The following DYNC2H1 variants were observed in gnomAD, a reference collection of about 807,000 sequenced individuals.
The protein encoded by DYNC2H1 is cytoplasmic dynein 2 heavy chain 1.
DYNC2H1 carries 410 observed loss-of-function variants against 570.0 expected under a neutral mutation model. That is an observed-to-expected ratio of 0.72 (90% CI 0.66 to 0.78). DYNC2H1 has a LOEUF of 0.78. Ranked by LOEUF, DYNC2H1 falls within the 30% of genes least tolerant of loss-of-function variation. The pLI, the probability that DYNC2H1 is intolerant of heterozygous loss-of-function variation, is 0.00. For missense variants in DYNC2H1, 4,865 were observed against 5,046.4 expected (o/e 0.96, Z 1.09); for synonymous variants, 1,688 against 1,677.6 (o/e 1.01, Z -0.15).
At position 103,316,604 on chromosome 11, in the gene DYNC2H1, T is replaced by C; in HGVS notation, c.11709T>C (p.Ile3903=). The C allele has an allele frequency of 6.5e-7, 1 of 1,543,734 alleles. No homozygotes were observed. Among genetic ancestry groups the C allele is most frequent in the Admixed American group, 2.0e-5 (1 of 50,304 alleles). Residue 3903 remains isoleucine (I), a synonymous_variant, in exon 80 of 89, where the codon ATT becomes ATC. Coordinates refer to ENST00000375735, the MANE Select transcript of DYNC2H1 (RefSeq NM_001377.3). ...ATCTTCGGGCTGGGTACAACATTAT[T>C]GACAGACTTTTTGATGGTAAGTTCT... The part of the protein sequence containing the change: ...LSDLRAGYNI[I]DRLFDGAKDV...
chr11:103,463,058 T>A (rs1945074357), intron 87 of DYNC2H1, among the ~76,000 whole-genome samples: 2 of 152,200 alleles, frequency 1.3e-5, no homozygotes, highest in Admixed American at 1.3e-4. Context: ...ACCTAACACA[T>A]ATAGTACAAA....
chr11:103,155,243 T>C, intron 24 of DYNC2H1, 88 bp from the exon 25 acceptor site: 2 of 1,293,516 alleles, frequency 1.5e-6, no homozygotes, highest in Admixed American at 3.3e-5. Context: ...TGGTAACTAA[T>C]AAGCATAAAA....
At position 103,222,946 on chromosome 11, in the gene DYNC2H1, C is replaced by T; in HGVS notation, c.9232-19C>T. On this transcript the variant is annotated intron_variant, in intron 58 of 88. Coordinates refer to ENST00000375735, the MANE Select transcript of DYNC2H1 (RefSeq NM_001377.3). ...GAAATTAAGTAAGGATGTTGAATCA[C>T]TTCTCATGGATTTTTCAGAATGCTA... The T allele has an allele frequency of 6.2e-7, 1 of 1,611,726 alleles. No individual in the cohort carries two copies. Among genetic ancestry groups the T allele is most frequent in the Non-Finnish European group, 8.5e-7 (1 of 1,178,938 alleles).
intron 47 of DYNC2H1, 132 bp downstream of exon 47, chr11:103,192,396 G>C (rs1862354226): frequency 3.3e-6 from 2 of 609,680 alleles, no homozygotes; most frequent in South Asian, 8.0e-5. Flanking sequence ...TTTTCCGTAA[G>C]GTACAGCTCA....
intron 82 of DYNC2H1, among the ~76,000 whole-genome samples, chr11:103,330,311 G>C (rs1311897455): frequency 4.6e-5 from 7 of 151,894 alleles, no homozygotes; most frequent in Non-Finnish European, 8.8e-5. Flanking sequence ...TGTTATGTTT[G>C]TACGAATTTG....
At chr11:103,233,967 A>G in intron 60 of DYNC2H1, 67 bp from the exon 61 acceptor site, 1 of 1,485,906 alleles carries the variant, frequency 6.7e-7, no homozygotes. Context: ...TTTATTACCT[A>G]TGGATAATTT....
At chr11:103,364,001 A>G (rs1913462) in intron 83 of DYNC2H1, among the ~76,000 whole-genome samples, 33,135 of 152,178 alleles carry the variant, frequency 0.22, 4,603 homozygotes, top group Non-Finnish European at 0.32. Flanking sequence ...AAGAAATGCC[A>G]TTAATAAAAA....
At chr11:103,265,264 A>C (rs1258152244) in intron 70 of DYNC2H1, among the ~76,000 whole-genome samples, 1 of 152,214 alleles carries the variant, frequency 6.6e-6, no homozygotes, top group Non-Finnish European at 1.5e-5. Context: ...TAATGCAGGT[A>C]GGGCTTAAAA....
chr11:103,365,911 G>C (rs1482295009), intron 83 of DYNC2H1, among the ~76,000 whole-genome samples: 1 of 152,224 alleles, frequency 6.6e-6, no homozygotes, highest in East Asian at 1.9e-4. Flanking sequence ...ACGCAGATAA[G>C]AACAAATGCT....
In DYNC2H1 at chr11:103,153,434, T is replaced by C; in HGVS notation, c.3228T>C (p.Leu1076=). The C allele has an allele frequency of 6.4e-7, 1 of 1,567,784 alleles. No homozygotes were observed. The highest frequency in any genetic ancestry group is 8.7e-7 in the Non-Finnish European group (1 of 1,155,994). The change falls in exon 22 of 89, where the codon CTT becomes CTC. Residue 1076 remains leucine, a synonymous_variant. Coordinates refer to ENST00000375735, the MANE Select transcript of DYNC2H1 (RefSeq NM_001377.3). The stretch of plus-strand genomic sequence containing the variant: ...TTGAAACTGGCCAACATAATACTCT[T>C]GATAAAAGTGCAAAGTTAATAAAAG... ...DVIETGQHNT[L]DKSAKLIKEK...
intron 40 of DYNC2H1, among the ~76,000 whole-genome samples, chr11:103,184,545 C>T (rs1861988086): frequency 6.6e-6 from 1 of 151,818 alleles, no homozygotes; most frequent in South Asian, 2.1e-4. Context: ...GCTCTTGGCT[C>T]TTGTATTCTT....
At chr11:103,126,784 C>A (rs1015929852) in intron 12 of DYNC2H1, among the ~76,000 whole-genome samples, 59 of 152,054 alleles carry the variant, frequency 3.9e-4, no homozygotes, top group African/African-American at 1.4e-3. Context: ...CTATAGGGGC[C>A]CGCCACCAAG....
intron 83 of DYNC2H1, among the ~76,000 whole-genome samples, chr11:103,389,802 T>C (rs200180553): frequency 1.3e-5 from 2 of 151,952 alleles, no homozygotes; most frequent in Admixed American, 6.6e-5. Flanking sequence ...TGTAATTGAG[T>C]GGTTTTGAGT....
In DYNC2H1 at chr11:103,280,484, A is replaced by G; in HGVS notation, c.10761+71A>G. 7.9e-7 allele frequency: 1 copy of G among 1,258,100 alleles called. No homozygotes were observed. Among genetic ancestry groups the G allele is most frequent in the South Asian group, 1.3e-5 (1 of 77,098 alleles). 77.9% of individuals were successfully genotyped at this position (1,258,100 alleles called of 1,614,324 possible). ...TGTTAATGGGTGGATTTATGTTTAG[A>G]TTAGAAATTATTTAGGCTAGAAATT... On this transcript the variant is annotated intron_variant, in intron 71 of 88. Coordinates refer to ENST00000375735, the MANE Select transcript of DYNC2H1 (RefSeq NM_001377.3). The surrounding 1 kb of genome is among the most constrained non-coding windows in gnomAD (Gnocchi z 4.7).
intron 44 of DYNC2H1, 103 bp downstream of exon 44, chr11:103,188,751 A>G: frequency 1.0e-6 from 1 of 987,154 alleles, no homozygotes; most frequent in Non-Finnish European, 1.3e-6. Context: ...TTAGAATATA[A>G]AAATGGTCAA....
At chr11:103,224,663 G>T (rs536975949) in intron 59 of DYNC2H1, among the ~76,000 whole-genome samples, 1 of 152,194 alleles carries the variant, frequency 6.6e-6, no homozygotes, top group Non-Finnish European at 1.5e-5. Flanking sequence ...GATGGGCATT[G>T]GGTTGGTTCC....
At position 103,312,445 on chromosome 11, in the gene DYNC2H1, G is replaced by A. The variant is rs1340227687; in HGVS notation, c.11649+412G>A. Among the ~76,000 whole-genome samples, 9 of 147,552 alleles carry A rather than the reference G, an allele frequency of 6.1e-5. No individual in the cohort carries two copies. In the East Asian group the frequency reaches 1.6e-3, roughly 27 times the overall value. ...TAGTTCCAGCTACTTGGGAGGCTGAGGTAGGAGAATTGCTTGAACCCAGGA... is the reference window on the plus strand; with the variant it reads ...TAGTTCCAGCTACTTGGGAGGCTGAAGTAGGAGAATTGCTTGAACCCAGGA... On this transcript the variant is annotated intron_variant, in intron 79 of 88. Transcript: ENST00000375735.
intron 84 of DYNC2H1, among the ~76,000 whole-genome samples, chr11:103,401,502 T>C (rs1441005974): frequency 1.3e-5 from 2 of 152,146 alleles, no homozygotes; most frequent in Non-Finnish European, 2.9e-5. Context: ...TTGGATTAAA[T>C]GCTGTAGGCA....
At chr11:103,206,517 C>A (rs1056639484) in intron 52 of DYNC2H1, among the ~76,000 whole-genome samples, 2 of 151,974 alleles carry the variant, frequency 1.3e-5, no homozygotes, top group Admixed American at 1.3e-4. Flanking sequence ...CAAAAGAGAG[C>A]AGCAATCCAA....
Sources: allele counts gnomAD v4.1 joint callset (sites outside exome capture counted in the v4.1 genomes callset), GRCh38; gene constraint gnomAD v4.1.1; non-coding constraint Gnocchi (gnomAD v3.1); transcripts MANE v1.5; gene names NCBI Gene and HGNC (gene_info 2026-07-23, HGNC 2026-07-21).